Variants in THSD4 observed in about 807,000 individuals in gnomAD.
THSD4 encodes the protein thrombospondin type 1 domain containing 4.
Under a neutral mutation model 119.0 loss-of-function variants are expected in THSD4, and 69 were observed. That is an observed-to-expected ratio of 0.58 (90% CI 0.48 to 0.71). The LOEUF (loss-of-function observed/expected upper bound fraction) is 0.71, where lower values mean the gene tolerates loss of function less well. THSD4 is among the 30% of genes least tolerant of loss of function. The probability of loss-of-function intolerance (pLI) is 0.00; values close to 1 mark genes in which losing one functional copy is unlikely to be tolerated. For missense variants in THSD4, 1,393 were observed against 1,391.1 expected, an observed-to-expected ratio of 1.00 and a Z score of -0.02; for synonymous variants, 524 against 540.4, an observed-to-expected ratio of 0.97 and a Z score of 0.42.
chr15:71,679,907 G>A (rs964805696), intron 8 of THSD4, among the ~76,000 whole-genome samples: 2 of 152,202 alleles, frequency 1.3e-5, no homozygotes, highest in African/African-American at 4.8e-5. Flanking sequence ...AGTGGGCTCT[G>A]TGATTCCAAA....
At chr15:71,230,031 T>G (rs1028216295) in intron 4 of THSD4, among the ~76,000 whole-genome samples, 1 of 152,218 alleles carries the variant, frequency 6.6e-6, no homozygotes, top group African/African-American at 2.4e-5. Flanking sequence ...TGCTGTAGTA[T>G]TAATGTATTC....
chr15:71,438,753 G>A (rs1445252408), intron 7 of THSD4, among the ~76,000 whole-genome samples: 1 of 152,166 alleles, frequency 6.6e-6, no homozygotes, highest in Non-Finnish European at 1.5e-5. Flanking sequence ...CGAAAAAGAA[G>A]CAGAACACAC....
At chr15:71,139,377 T>G (rs1408245998) in intron 1 of THSD4, among the ~76,000 whole-genome samples, 1 of 152,202 alleles carries the variant, frequency 6.6e-6, no homozygotes, top group African/African-American at 2.4e-5. Flanking sequence ...TGGCAAAGAC[T>G]TCATTTGACT....
chr15:71,251,675 C>G (rs765958962), intron 5 of THSD4, among the ~76,000 whole-genome samples: 1 of 152,188 alleles, frequency 6.6e-6, no homozygotes, highest in Admixed American at 6.5e-5. Flanking sequence ...CGCAGGCAGC[C>G]TTCAAGGTCA....
intron 1 of THSD4, among the ~76,000 whole-genome samples, chr15:71,132,830 A>T (rs2040516139): frequency 6.6e-6 from 1 of 152,212 alleles, no homozygotes; most frequent in African/African-American, 2.4e-5. Flanking sequence ...TCATGCACAG[A>T]TGTACACACG....
intron 6 of THSD4, among the ~76,000 whole-genome samples, chr15:71,268,512 C>T (rs1265239142): frequency 6.6e-6 from 1 of 152,030 alleles, no homozygotes; most frequent in Non-Finnish European, 1.5e-5. Flanking sequence ...CAGGAAAGAG[C>T]TAAAATCAAC....
At chr15:71,658,616 G>A (rs2051236666) in intron 7 of THSD4, among the ~76,000 whole-genome samples, 1 of 152,144 alleles carries the variant, frequency 6.6e-6, no homozygotes, top group South Asian at 2.1e-4. Flanking sequence ...TTGTTTCAAA[G>A]CAAGGGAGAA....
At chr15:71,408,028 CAG>C (rs1487030361) in intron 6 of THSD4, among the ~76,000 whole-genome samples, 2 of 152,096 alleles carry the variant, frequency 1.3e-5, no homozygotes, top group African/African-American at 4.8e-5. Context: ...AGGAGAGAAA[CAG>C]AAGTTTGTGC....
chr15:71,480,058 C>G (rs940562963), intron 7 of THSD4, among the ~76,000 whole-genome samples: 1 of 152,110 alleles, frequency 6.6e-6, no homozygotes, highest in African/African-American at 2.4e-5. Flanking sequence ...CTTTCCTGAG[C>G]TAGGGTCTCG....
chr15:71,449,549 C>T (rs62017920), intron 7 of THSD4, among the ~76,000 whole-genome samples: 41,144 of 151,938 alleles, frequency 0.27, 5,835 homozygotes, highest in Middle Eastern at 0.36. Flanking sequence ...GTAGTACTTA[C>T]AGTGCCTGCT....
intron 6 of THSD4, among the ~76,000 whole-genome samples, chr15:71,322,073 A>G (rs2045276953): frequency 6.6e-6 from 1 of 152,188 alleles, no homozygotes; most frequent in South Asian, 2.1e-4. Flanking sequence ...AGCTTGGAGT[A>G]CATTAAAATG....
At chr15:71,291,683 A>G (rs1240541963) in intron 6 of THSD4, among the ~76,000 whole-genome samples, 2 of 152,206 alleles carry the variant, frequency 1.3e-5, no homozygotes, top group African/African-American at 4.8e-5. Flanking sequence ...AGACACACAT[A>G]TTATTACCAG....
chr15:71,508,806 CATTACAAAAA>C (rs1451953594), intron 7 of THSD4, among the ~76,000 whole-genome samples: 1 of 151,662 alleles, frequency 6.6e-6, no homozygotes, highest in Non-Finnish European at 1.5e-5. Flanking sequence ...CTTCTCCATG[CATTACAAAAA>C]TTCTGTGTAA....
At chr15:71,735,845 GCT>G (rs1296114820) in intron 10 of THSD4, among the ~76,000 whole-genome samples, 5 of 68,158 alleles carry the variant, frequency 7.3e-5, no homozygotes, top group Non-Finnish European at 1.2e-4. Context: ...TGTCTCTTTC[GCT>G]CTCTGTCTCT....
intron 14 of THSD4, among the ~76,000 whole-genome samples, chr15:71,751,065 A>G (rs1424939700): frequency 6.6e-6 from 1 of 152,200 alleles, no homozygotes; most frequent in African/African-American, 2.4e-5. Flanking sequence ...ACAGTTAACC[A>G]AAGTGTTTCT....
chr15:71,433,025 A>C (rs573172856), intron 7 of THSD4, among the ~76,000 whole-genome samples: 143 of 151,970 alleles, frequency 9.4e-4, no homozygotes, highest in African/African-American at 3.2e-3. Context: ...ATTTTCAGTG[A>C]AAAACCTGAA....
chr15:71,198,117 C>T (rs537520719), intron 3 of THSD4, among the ~76,000 whole-genome samples: 1 of 152,212 alleles, frequency 6.6e-6, no homozygotes, highest in South Asian at 2.1e-4. Context: ...ACAAATTGAC[C>T]AGGCATGGTG....
At chr15:71,443,699 C>T (rs905636457) in intron 7 of THSD4, among the ~76,000 whole-genome samples, 1 of 150,326 alleles carries the variant, frequency 6.7e-6, no homozygotes, top group Non-Finnish European at 1.5e-5. Flanking sequence ...TTCCACGTTG[C>T]GCTTTTTGAA....
At chr15:71,745,291 T>C in intron 12 of THSD4, 56 bp downstream of exon 12, 1 of 1,598,036 alleles carries the variant, frequency 6.3e-7, no homozygotes. Context: ...AGGTCACTTA[T>C]GCACAGGACC....
Sources: gnomAD v4.1 joint callset for allele counts (sites outside exome capture counted in the v4.1 genomes callset) on GRCh38, gnomAD v4.1.1 for gene constraint, MANE v1.5 for transcripts, NCBI Gene and HGNC (gene_info 2026-07-23, HGNC 2026-07-21) for gene names.